The following AQP9 variants were observed in gnomAD, a reference collection of about 807,000 sequenced individuals.
AQP9 encodes the protein aquaporin 9.
AQP9 carries 19 observed loss-of-function variants against 23.8 expected under a neutral mutation model. The ratio of observed to expected loss-of-function variants is 0.80; its 90% CI spans 0.56 to 1.17. The LOEUF (loss-of-function observed/expected upper bound fraction) is 1.17, where lower values mean the gene tolerates loss of function less well. Among genes scored for constraint, AQP9 ranks in the 50% most tolerant of loss-of-function variants. The pLI, the probability that AQP9 is intolerant of heterozygous loss-of-function variation, is 0.00. For synonymous variants in AQP9, 153 were observed against 131.5 expected (o/e 1.16, Z -1.12); for missense variants, 413 against 362.0 (o/e 1.14, Z -1.14).
At chr15:58,153,413 C>A (rs543622156) in intron 1 of AQP9, 2 of 152,186 alleles carry the variant, frequency 1.3e-5, no homozygotes, top group East Asian at 3.9e-4. Flanking sequence ...ATCTATGAAT[C>A]CAAACCTTTA....
intron 5 of AQP9, 55 bp downstream of exon 5, chr15:58,179,400 G>T: frequency 6.7e-7 from 1 of 1,501,682 alleles, no homozygotes. Context: ...CCTCACCAGT[G>T]GGGCGGGGCT....
chr15:58,146,273 A>AT (rs1595727414), intron 1 of AQP9, among the ~76,000 whole-genome samples: 2 of 151,520 alleles, frequency 1.3e-5, no homozygotes, highest in Admixed American at 1.3e-4. Flanking sequence ...TGCCTCAACC[A>AT]TTTTTTTCAT....
Position 58,168,349 on chromosome 15 carries a change from C to T in AQP9, c.238+1550C>T, listed in dbSNP as rs1314406850. Among the ~76,000 whole-genome samples the T allele has an allele frequency of 3.9e-5, 6 of 152,114 alleles. No individual in the cohort carries two copies. The East Asian group carries it at 5.8e-4, about 15-fold the overall frequency. ...CCCAGCCAACACATCCCCATTCTTA[C>T]ACAGCATTTACAATGCTCTATTATG... is the stretch of plus-strand genomic sequence containing the variant. On this transcript the variant is annotated intron_variant, in intron 2 of 5. Coordinates refer to ENST00000219919, the MANE Select transcript of AQP9 (RefSeq NM_020980.5).
intron 4 of AQP9, among the ~76,000 whole-genome samples, chr15:58,175,588 T>G (rs557840685): frequency 6.6e-6 from 1 of 152,218 alleles, no homozygotes; most frequent in Non-Finnish European, 1.5e-5. Flanking sequence ...TTTGGTCAGC[T>G]TATGGCAGGA....
In AQP9 at chr15:58,142,546, G is replaced by T. The variant is rs141901888; in HGVS notation, c.111+3870G>T. Among the ~76,000 whole-genome samples the T allele has an allele frequency of 1.5e-3, 231 of 152,290 alleles. 1 individual carries two copies. The highest frequency in any genetic ancestry group is 5.3e-3 in the African/African-American group (220 of 41,556). On this transcript the variant is annotated intron_variant, in intron 1 of 5. Transcript: ENST00000219919. The stretch of plus-strand genomic sequence containing the variant: ...ACCTACAAACACATTCAAACCTCAG[G>T]TAACACCAGGGTTCTGAGGTGGCTC...
At chr15:58,140,311 T>G (rs1377066657) in intron 1 of AQP9, among the ~76,000 whole-genome samples, 2 of 152,128 alleles carry the variant, frequency 1.3e-5, no homozygotes, top group African/African-American at 2.4e-5. Flanking sequence ...CTTTCAGCAG[T>G]TCACTGTTCA....
At chr15:58,162,208 C>T (rs56200593) in intron 1 of AQP9, among the ~76,000 whole-genome samples, 13,001 of 152,206 alleles carry the variant, frequency 0.085, 1,803 homozygotes, top group African/African-American at 0.29. Context: ...ACACTGACAA[C>T]GTAGAGCTTA....
chr15:58,167,758 T>A (rs148722163), intron 2 of AQP9, among the ~76,000 whole-genome samples: 328 of 152,234 alleles, frequency 2.2e-3, no homozygotes, highest in Middle Eastern at 0.01. Context: ...GTCTTGCTTT[T>A]CTCCCTCAGG....
At chr15:58,148,767 C>G (rs1220375194) in intron 1 of AQP9, among the ~76,000 whole-genome samples, 2 of 152,090 alleles carry the variant, frequency 1.3e-5, no homozygotes, top group Non-Finnish European at 2.9e-5. Flanking sequence ...TCTTTTCAGC[C>G]CAGTAGAGAT....
intron 2 of AQP9, among the ~76,000 whole-genome samples, chr15:58,168,677 G>T (rs1898558979): frequency 6.6e-6 from 1 of 152,144 alleles, no homozygotes. Flanking sequence ...TATGTGATTT[G>T]TTAGCATGCA....
At chr15:58,171,893 C>T (rs941046249) in intron 2 of AQP9, among the ~76,000 whole-genome samples, 15 of 152,094 alleles carry the variant, frequency 9.9e-5, no homozygotes, top group East Asian at 3.9e-4. Context: ...CCTTTGTTTA[C>T]GACCAAGGCC....
At chr15:58,140,829 T>G (rs1458769431) in intron 1 of AQP9, among the ~76,000 whole-genome samples, 1 of 152,000 alleles carries the variant, frequency 6.6e-6, no homozygotes, top group East Asian at 1.9e-4. Context: ...CAAAAACTGC[T>G]CTTATGGGGA....
Position 58,143,331 on chromosome 15 carries a change from G to A in AQP9, c.111+4655G>A, listed in dbSNP as rs553379790. Among the ~76,000 whole-genome samples, 3 of 152,270 alleles carry A rather than the reference G, an allele frequency of 2.0e-5. No homozygotes were observed. In the East Asian group the frequency reaches 5.8e-4, roughly 29 times the overall value. ...GCTGTCTTCTGTCAAATATGATGACGAGGACAAGAGAGGGCAAAGGAGGTT... is the reference window on the plus strand; with the variant it reads ...GCTGTCTTCTGTCAAATATGATGACAAGGACAAGAGAGGGCAAAGGAGGTT... On this transcript the variant is annotated intron_variant, in intron 1 of 5. Transcript: ENST00000219919.
At chr15:58,151,546 A>G (rs1898149718) in intron 1 of AQP9, 1 of 152,116 alleles carries the variant, frequency 6.6e-6, no homozygotes, top group Non-Finnish European at 1.5e-5. Context: ...TTGTAATTCT[A>G]GCAAGCCAAC....
At chr15:58,167,293 T>A (rs1898530603) in intron 2 of AQP9, among the ~76,000 whole-genome samples, 1 of 152,170 alleles carries the variant, frequency 6.6e-6, no homozygotes, top group South Asian at 2.1e-4. Context: ...AAAAGTAAAC[T>A]GATTAGAAGC....
chr15:58,160,999 G>T (rs529416813), intron 1 of AQP9, among the ~76,000 whole-genome samples: 1 of 152,292 alleles, frequency 6.6e-6, no homozygotes, highest in Admixed American at 6.5e-5. Flanking sequence ...ATACTGGAAA[G>T]GAAGGTGGCT....
intron 5 of AQP9, among the ~76,000 whole-genome samples, chr15:58,179,665 G>C (rs1430184831): frequency 6.6e-6 from 1 of 152,118 alleles, no homozygotes; most frequent in Admixed American, 6.5e-5. Flanking sequence ...TGTATAACTT[G>C]TCTGCAGATT....
intron 1 of AQP9, among the ~76,000 whole-genome samples, chr15:58,156,788 C>G (rs1336906912): frequency 6.6e-6 from 1 of 152,162 alleles, no homozygotes; most frequent in Non-Finnish European, 1.5e-5. Context: ...GGGAACAAAT[C>G]TCTAGGTTGG....
At chr15:58,163,551 A>G (rs1267986974) in intron 1 of AQP9, among the ~76,000 whole-genome samples, 3 of 152,168 alleles carry the variant, frequency 2.0e-5, no homozygotes, top group Non-Finnish European at 4.4e-5. Flanking sequence ...TACAAACGCT[A>G]CAGTTGAACT....
Sources: gnomAD v4.1 joint callset for allele counts (sites outside exome capture counted in the v4.1 genomes callset) on GRCh38, gnomAD v4.1.1 for gene constraint, MANE v1.5 for transcripts, NCBI Gene and HGNC (gene_info 2026-07-23, HGNC 2026-07-21) for gene names.